The following SGCZ variants were observed in gnomAD, a reference collection of about 807,000 sequenced individuals.
The protein encoded by SGCZ is zeta-sarcoglycan.
Under a neutral mutation model 41.3 loss-of-function variants are expected in SGCZ, and 40 were observed. That is an observed-to-expected ratio of 0.97 (90% CI 0.75 to 1.26). The LOEUF (loss-of-function observed/expected upper bound fraction) is 1.26, where lower values mean the gene tolerates loss of function less well. Among genes scored for constraint, SGCZ ranks in the 50% most tolerant of loss-of-function variants. SGCZ has a pLI of 0.00. For synonymous variants in SGCZ, 206 were observed against 137.5 expected (o/e 1.50, Z -3.49); for missense variants, 552 against 369.8 (o/e 1.49, Z -4.04).
At chr8:14,412,511 T>C (rs1010935186) in intron 2 of SGCZ, among the ~76,000 whole-genome samples, 7 of 152,140 alleles carry the variant, frequency 4.6e-5, no homozygotes, top group Non-Finnish European at 1.0e-4. Context: ...CTGCCAGGCC[T>C]TGCCTTTTGC....
chr8:14,862,650 C>T (rs1167245479), intron 1 of SGCZ, among the ~76,000 whole-genome samples: 1 of 147,364 alleles, frequency 6.8e-6, no homozygotes, highest in African/African-American at 2.5e-5. Flanking sequence ...CTCAAACCCA[C>T]TTTTGTGTTT....
At chr8:14,629,160 C>A (rs530955001) in intron 1 of SGCZ, among the ~76,000 whole-genome samples, 7 of 152,192 alleles carry the variant, frequency 4.6e-5, no homozygotes, top group Admixed American at 1.3e-4. Flanking sequence ...TACCTGAAGT[C>A]CATCTTCAGT....
At chr8:15,034,745 C>G (rs1435133152) in intron 1 of SGCZ, among the ~76,000 whole-genome samples, 1 of 151,880 alleles carries the variant, frequency 6.6e-6, no homozygotes, top group African/African-American at 2.4e-5. Flanking sequence ...AAGGGAGTTT[C>G]AATAATGCAA....
At chr8:14,167,122 G>A (rs1411549023) in intron 4 of SGCZ, among the ~76,000 whole-genome samples, 1 of 152,040 alleles carries the variant, frequency 6.6e-6, no homozygotes, top group Non-Finnish European at 1.5e-5. Context: ...CCTGCAAATG[G>A]AAAATGATAT....
At chr8:14,840,947 A>T (rs192679207) in intron 1 of SGCZ, among the ~76,000 whole-genome samples, 67 of 152,222 alleles carry the variant, frequency 4.4e-4, no homozygotes, top group African/African-American at 1.5e-3. Flanking sequence ...TACATCAAAG[A>T]TGTCATCTTA....
chr8:14,477,461 T>G (rs991524342), intron 2 of SGCZ, among the ~76,000 whole-genome samples: 1 of 152,200 alleles, frequency 6.6e-6, no homozygotes, highest in Non-Finnish European at 1.5e-5. Flanking sequence ...ATTATCCTAT[T>G]AGTATTCTAA....
At chr8:14,561,065 G>C (rs1423731974) in intron 1 of SGCZ, among the ~76,000 whole-genome samples, 1 of 151,982 alleles carries the variant, frequency 6.6e-6, no homozygotes, top group African/African-American at 2.4e-5. Context: ...TTAAATCTGA[G>C]TGTTTTTCAA....
At chr8:14,578,328 G>C (rs968389386) in intron 1 of SGCZ, among the ~76,000 whole-genome samples, 6 of 152,164 alleles carry the variant, frequency 3.9e-5, no homozygotes, top group Non-Finnish European at 8.8e-5. Flanking sequence ...AGAAGTCAGA[G>C]TATTCTGGTG....
intron 2 of SGCZ, among the ~76,000 whole-genome samples, chr8:14,340,482 T>C (rs1334184056): frequency 6.6e-6 from 1 of 152,188 alleles, no homozygotes; most frequent in Non-Finnish European, 1.5e-5. Flanking sequence ...TGCTGAATAC[T>C]CTATCCCTGT....
At chr8:14,797,729 C>T (rs953526279) in intron 1 of SGCZ, among the ~76,000 whole-genome samples, 1 of 152,134 alleles carries the variant, frequency 6.6e-6, no homozygotes, top group Non-Finnish European at 1.5e-5. Context: ...GGCCCTGAGG[C>T]CTAGGAGGAA....
intron 1 of SGCZ, among the ~76,000 whole-genome samples, chr8:14,784,531 C>A (rs1394017932): frequency 6.6e-6 from 1 of 151,786 alleles, no homozygotes; most frequent in Non-Finnish European, 1.5e-5. Context: ...ACTGGTAGTA[C>A]CATTACTAAT....
intron 1 of SGCZ, among the ~76,000 whole-genome samples, chr8:14,557,700 G>A (rs113979305): frequency 3.3e-5 from 5 of 151,936 alleles, no homozygotes; most frequent in African/African-American, 1.2e-4. Context: ...CCTACTTCGT[G>A]TTTTTGTTTG....
intron 1 of SGCZ, among the ~76,000 whole-genome samples, chr8:15,209,073 T>G (rs1801160587): frequency 6.7e-6 from 1 of 150,204 alleles, no homozygotes; most frequent in Non-Finnish European, 1.5e-5. Context: ...GTTCTCACCT[T>G]CACAGTCACT....
chr8:14,758,454 G>C (rs1474133940), intron 1 of SGCZ, among the ~76,000 whole-genome samples: 2 of 151,986 alleles, frequency 1.3e-5, no homozygotes, highest in African/African-American at 4.8e-5. Context: ...CCTGGCATAA[G>C]ACAATTACTG....
rs141527511 is a variant in SGCZ, at chr8:14,275,252, A to T, written c.337-37573T>A. On this transcript the variant is annotated intron_variant, in intron 3 of 7. Coordinates refer to ENST00000382080, the MANE Select transcript of SGCZ (RefSeq NM_139167.4). ...AACCCATAAGCCTAAATGAGACTGC[A>T]AGTTGGAATTCCTCCATTGCCTACT... Among the ~76,000 whole-genome samples the T allele has an allele frequency of 7.2e-5, 11 of 152,304 alleles. No homozygotes were observed. The East Asian group carries it at 1.5e-3, about 21-fold the overall frequency.
At chr8:14,951,392 T>C (rs1418046203) in intron 1 of SGCZ, among the ~76,000 whole-genome samples, 1 of 152,012 alleles carries the variant, frequency 6.6e-6, no homozygotes, top group Non-Finnish European at 1.5e-5. Flanking sequence ...GCATGTCAAA[T>C]TCGTTGTCAA....
intron 1 of SGCZ, among the ~76,000 whole-genome samples, chr8:15,097,735 A>G (rs117941548): frequency 7.5e-6 from 1 of 133,356 alleles, no homozygotes; most frequent in Non-Finnish European, 1.6e-5. Flanking sequence ...TAAAAAAAAA[A>G]ATATATATAT....
chr8:14,245,800 G>T (rs190327752), intron 3 of SGCZ, among the ~76,000 whole-genome samples: 1 of 152,022 alleles, frequency 6.6e-6, no homozygotes, highest in Admixed American at 6.6e-5. Flanking sequence ...ATGAACAGAC[G>T]CTTCTCAAAA....
chr8:14,533,982 C>T (rs11987722), intron 2 of SGCZ, among the ~76,000 whole-genome samples: 1 of 151,828 alleles, frequency 6.6e-6, no homozygotes, highest in East Asian at 2.0e-4. Context: ...CGTGACACAG[C>T]AGCAAGGCTC....
Sources: allele counts gnomAD v4.1 joint callset (sites outside exome capture counted in the v4.1 genomes callset), GRCh38; gene constraint gnomAD v4.1.1; transcripts MANE v1.5; gene names NCBI Gene and HGNC (gene_info 2026-07-23, HGNC 2026-07-21).